The following BCAR3 variants were observed in gnomAD, a reference collection of about 807,000 sequenced individuals.
The protein encoded by BCAR3 is BCAR3 adaptor protein, NSP family member.
In BCAR3, 37 loss-of-function variants were observed where a neutral mutation model predicts 80.1. The observed-to-expected ratio is 0.46, with a 90% confidence interval of 0.36 to 0.61. The LOEUF (loss-of-function observed/expected upper bound fraction) is 0.61, where lower values mean the gene tolerates loss of function less well. BCAR3 is among the 20% of genes least tolerant of loss of function. The pLI is 0.00. For synonymous variants in BCAR3, 389 were observed against 418.9 expected (o/e 0.93, Z 0.87); for missense variants, 978 against 1,068.2 (o/e 0.92, Z 1.18).
intron 2 of BCAR3, among the ~76,000 whole-genome samples, chr1:93,806,178 C>A (rs888556695): frequency 6.6e-6 from 1 of 151,982 alleles, no homozygotes; most frequent in East Asian, 1.9e-4. Flanking sequence ...TGCCTTCTAC[C>A]GACTCTGAAA....
At chr1:93,795,402 C>T (rs1279987557) in intron 2 of BCAR3, among the ~76,000 whole-genome samples, 1 of 107,526 alleles carries the variant, frequency 9.3e-6, no homozygotes, top group African/African-American at 4.8e-5. Context: ...TCATTTGATT[C>T]ATTTCATCTT....
At position 93,621,595 on chromosome 1, in the gene BCAR3, G is replaced by A. The variant is rs1180020599; in HGVS notation, c.357+20709C>T. On this transcript the variant is annotated intron_variant, in intron 3 of 11. Transcript: ENST00000260502. ...AGGGATGTGGCTGGTAAGAGGAGGG[G>A]ATAGATAGCCTTGAGGCAAGTAGTA... is the stretch of plus-strand genomic sequence containing the variant. Among the ~76,000 whole-genome samples, 4 of 152,268 alleles carry A rather than the reference G, an allele frequency of 2.6e-5. No homozygotes were observed. In the East Asian group the frequency reaches 5.8e-4, roughly 22 times the overall value.
At chr1:93,767,132 T>C (rs1441058076) in intron 2 of BCAR3, among the ~76,000 whole-genome samples, 6 of 152,186 alleles carry the variant, frequency 3.9e-5, no homozygotes, top group African/African-American at 1.4e-4. Context: ...GATCCATCTT[T>C]AACACAAGAA....
At chr1:93,688,593 ATTAC>A (rs1557654938) in intron 3 of BCAR3, among the ~76,000 whole-genome samples, 1 of 150,816 alleles carries the variant, frequency 6.6e-6, no homozygotes, top group Non-Finnish European at 1.5e-5. Context: ...TTTTTTTTAC[ATTAC>A]TTATTTATTT....
chr1:93,812,036 T>G (rs968554745), intron 2 of BCAR3, among the ~76,000 whole-genome samples: 2 of 152,200 alleles, frequency 1.3e-5, no homozygotes, highest in Non-Finnish European at 2.9e-5. Context: ...CTTTTGAAGA[T>G]GTTCATATGA....
intron 1 of BCAR3, among the ~76,000 whole-genome samples, chr1:93,675,692 A>G (rs1358524423): frequency 6.6e-6 from 1 of 152,000 alleles, no homozygotes; most frequent in East Asian, 1.9e-4. Context: ...GGAAGAAGAA[A>G]AGAAAAAAAA....
intron 2 of BCAR3, among the ~76,000 whole-genome samples, chr1:93,644,423 T>A (rs1308339702): frequency 6.6e-6 from 1 of 152,228 alleles, no homozygotes; most frequent in Non-Finnish European, 1.5e-5. Flanking sequence ...AATGTTTAAA[T>A]TCACCTACAG....
At chr1:93,587,510 A>G (rs1024622770) in intron 5 of BCAR3, among the ~76,000 whole-genome samples, 1 of 152,182 alleles carries the variant, frequency 6.6e-6, no homozygotes, top group African/African-American at 2.4e-5. Context: ...ATGGTTGAAA[A>G]GTTGCCCAAT....
chr1:93,737,214 T>C (rs1343390318), intron 2 of BCAR3, among the ~76,000 whole-genome samples: 1 of 151,794 alleles, frequency 6.6e-6, no homozygotes, highest in African/African-American at 2.4e-5. Flanking sequence ...AAGTCTGGAG[T>C]AGAGAGATAG....
chr1:93,818,217 A>G (rs1388843728), intron 2 of BCAR3, among the ~76,000 whole-genome samples: 1 of 152,260 alleles, frequency 6.6e-6, no homozygotes, highest in Non-Finnish European at 1.5e-5. Flanking sequence ...TGCTTTACAC[A>G]CACAAGGAGT....
At chr1:93,683,399 C>T (rs912771514), upstream of BCAR3, among the ~76,000 whole-genome samples, 3 of 152,162 alleles carry the variant, frequency 2.0e-5, no homozygotes, top group Non-Finnish European at 4.4e-5. Context: ...TTGGCATTAT[C>T]TAGAAAAGCT....
At chr1:93,715,163 C>G (rs1650155540) in intron 2 of BCAR3, among the ~76,000 whole-genome samples, 1 of 152,194 alleles carries the variant, frequency 6.6e-6, no homozygotes, top group African/African-American at 2.4e-5. Context: ...TGTTCTTCCC[C>G]CCTGCTATTC....
chr1:93,725,621 G>A (rs889659676), intron 2 of BCAR3, among the ~76,000 whole-genome samples: 3 of 151,998 alleles, frequency 2.0e-5, no homozygotes, highest in African/African-American at 7.3e-5. Context: ...TTTTAATGTA[G>A]CTTAACTTAT....
Position 93,770,678 on chromosome 1 carries a change from A to G in BCAR3, c.-62-64536T>C, listed in dbSNP as rs78947828. ...AAGGAAACTAATGCTTCAATAGGTT[A>G]TCAACAATTTATCCAAATAGTCGTT... is the stretch of plus-strand genomic sequence containing the variant. On this transcript the variant is annotated intron_variant, in intron 2 of 13. Coordinates refer to the BCAR3 transcript ENST00000370244. 7.0e-3 allele frequency among the ~76,000 whole-genome samples: 1,064 copies of G among 152,324 alleles called. 15 individuals carry two copies. The highest frequency in any genetic ancestry group is 0.023 in the African/African-American group (973 of 41,562).
chr1:93,691,418 C>T (rs1055937589), intron 3 of BCAR3, among the ~76,000 whole-genome samples: 9 of 152,230 alleles, frequency 5.9e-5, no homozygotes, highest in African/African-American at 1.7e-4. Flanking sequence ...GTGGGGTACA[C>T]ACAGCCTGGG....
chr1:93,582,764 C>A lies in BCAR3; in HGVS notation c.1223G>T (p.Cys408Phe). Residue 408 changes from cysteine (C) to phenylalanine (F), a missense_variant, in exon 7 of 12, where the codon TGC becomes TTC. Coordinates refer to ENST00000260502, the MANE Select transcript of BCAR3 (RefSeq NM_003567.4). ...GGGAACCTTGAGGAACGGCACCTTG[C>A]AGGGCTTAGGCGGGGGCTTAGGGCA... ...QLCPKPPPKP[C>F]KVPFLKVPSS... 1 of 1,614,128 alleles carries A rather than the reference C, an allele frequency of 6.2e-7. No individual in the cohort carries two copies. Among genetic ancestry groups the A allele is most frequent in the Non-Finnish European group, 8.5e-7 (1 of 1,180,024 alleles).
intron 3 of BCAR3, among the ~76,000 whole-genome samples, chr1:93,631,983 G>C (rs985341338): frequency 6.6e-6 from 1 of 152,180 alleles, no homozygotes; most frequent in Non-Finnish European, 1.5e-5. Flanking sequence ...CCAGGCAGGA[G>C]CAGTCAGGGT....
intron 3 of BCAR3, among the ~76,000 whole-genome samples, chr1:93,636,563 A>C (rs1013107710): frequency 6.6e-5 from 10 of 152,050 alleles, no homozygotes; most frequent in East Asian, 1.9e-4. Flanking sequence ...AAAAAAAAAA[A>C]CAAAAAAAAC....
At chr1:93,812,140 A>G (rs972159803) in intron 2 of BCAR3, among the ~76,000 whole-genome samples, 2 of 152,194 alleles carry the variant, frequency 1.3e-5, no homozygotes, top group South Asian at 2.1e-4. Context: ...TGAATGCTTC[A>G]TATCAATTTT....
Sources: gnomAD v4.1 joint callset for allele counts (sites outside exome capture counted in the v4.1 genomes callset) on GRCh38, gnomAD v4.1.1 for gene constraint, MANE v1.5 for transcripts, NCBI Gene and HGNC (gene_info 2026-07-23, HGNC 2026-07-21) for gene names.